The following UBE2V1 variants were observed in gnomAD, a reference collection of about 807,000 sequenced individuals.
UBE2V1 encodes the protein ubiquitin-conjugating enzyme E2 variant 1.
In UBE2V1, 15 loss-of-function variants were observed where a neutral mutation model predicts 19.6. The observed-to-expected ratio is 0.77, with a 90% CI of 0.51 to 1.18. The LOEUF (loss-of-function observed/expected upper bound fraction) is 1.18, where lower values mean the gene tolerates loss of function less well. UBE2V1 is among the 50% of genes most tolerant of loss of function. The pLI is 0.00. For missense variants in UBE2V1, 125 were observed against 184.8 expected (o/e 0.68, Z 1.88); for synonymous variants, 60 against 60.7 (o/e 0.99, Z 0.05).
At chr20:50,107,170 G>C (rs1440989051) in intron 1 of UBE2V1, among the ~76,000 whole-genome samples, 1 of 152,170 alleles carries the variant, frequency 6.6e-6, no homozygotes, top group Non-Finnish European at 1.5e-5. Flanking sequence ...TCCTTCTCTA[G>C]AGCAATGGTT....
intron 1 of UBE2V1, among the ~76,000 whole-genome samples, chr20:50,104,047 G>T (rs1249753199): frequency 1.3e-5 from 2 of 151,678 alleles, no homozygotes; most frequent in Non-Finnish European, 2.9e-5. Flanking sequence ...ACTTTGGAAG[G>T]CTGAGACAGG....
chr20:50,110,980 T>C (rs981466225), intron 1 of UBE2V1, among the ~76,000 whole-genome samples: 3 of 152,306 alleles, frequency 2.0e-5, no homozygotes, highest in Admixed American at 2.0e-4. Flanking sequence ...CATCACACAA[T>C]TTCCTCCATA....
intron 2 of UBE2V1, among the ~76,000 whole-genome samples, chr20:50,092,967 G>C (rs2079330125): frequency 6.6e-6 from 1 of 152,146 alleles, no homozygotes; most frequent in South Asian, 2.1e-4. Context: ...GTATGCATGA[G>C]CTCTTCCTCT....
chr20:50,097,659 CCTGA>C (rs2079719073), intron 1 of UBE2V1, among the ~76,000 whole-genome samples: 1 of 152,190 alleles, frequency 6.6e-6, no homozygotes, highest in Non-Finnish European at 1.5e-5. Flanking sequence ...CCCAACCAAT[CCTGA>C]CTGTCTCTCC....
chr20:50,113,918 C>T (rs2080929827), upstream of UBE2V1, among the ~76,000 whole-genome samples: 1 of 152,166 alleles, frequency 6.6e-6, no homozygotes, highest in Non-Finnish European at 1.5e-5. Context: ...CAGGGACTTA[C>T]ATTCTAGTCG....
intron 1 of UBE2V1, among the ~76,000 whole-genome samples, chr20:50,099,590 G>A (rs1201460387): frequency 2.0e-5 from 3 of 152,012 alleles, no homozygotes; most frequent in Non-Finnish European, 1.5e-5. Flanking sequence ...GCACCCCCAC[G>A]CAAGGACCTA....
At chr20:50,091,008 A>G (rs937751130) in intron 2 of UBE2V1, among the ~76,000 whole-genome samples, 1 of 152,144 alleles carries the variant, frequency 6.6e-6, no homozygotes, top group Non-Finnish European at 1.5e-5. Flanking sequence ...TTAAAGCGGG[A>G]CTAAGTTAAC....
intron 1 of UBE2V1, among the ~76,000 whole-genome samples, chr20:50,099,581 C>T (rs560170175): frequency 6.6e-6 from 1 of 152,258 alleles, no homozygotes; most frequent in African/African-American, 2.4e-5. Context: ...ATTTCAACTG[C>T]ACCCCCACGC....
chr20:50,106,851 A>C (rs1027962226), intron 1 of UBE2V1, among the ~76,000 whole-genome samples: 4 of 112,624 alleles, frequency 3.6e-5, no homozygotes, highest in Non-Finnish European at 7.4e-5. Context: ...CAAAAACAAC[A>C]ACAACAACAA....
At chr20:50,086,721 G>A (rs1313034269) in intron 2 of UBE2V1, among the ~76,000 whole-genome samples, 1 of 151,940 alleles carries the variant, frequency 6.6e-6, no homozygotes. Context: ...TAATTTCACT[G>A]GAAGACAGTA....
chr20:50,097,212 G>A (rs2079683126), intron 1 of UBE2V1, among the ~76,000 whole-genome samples: 1 of 152,106 alleles, frequency 6.6e-6, no homozygotes, highest in South Asian at 2.1e-4. Context: ...CTAAGACTAC[G>A]CTTATTTGTT....
intron 1 of UBE2V1, among the ~76,000 whole-genome samples, chr20:50,097,481 G>A (rs924919487): frequency 1.3e-5 from 2 of 152,132 alleles, no homozygotes; most frequent in Non-Finnish European, 2.9e-5. Context: ...CACCTCACAG[G>A]TTCAAGCCAC....
upstream of UBE2V1, chr20:50,115,546 C>A (rs1430478544): frequency 6.3e-7 from 1 of 1,590,802 alleles, no homozygotes; most frequent in South Asian, 1.1e-5. Context: ...TTTGTGACTT[C>A]AGGTAAGACG....
chr20:50,094,010 A>AAAAAAAAAAT (rs2079416552), intron 2 of UBE2V1, among the ~76,000 whole-genome samples: 2 of 94,714 alleles, frequency 2.1e-5, no homozygotes, highest in African/African-American at 5.3e-5. Context: ...AAAAAAAAAA[A>AAAAAAAAAAT]AATAATAATA....
upstream of UBE2V1, chr20:50,115,444 A>T (rs2080982478): frequency 6.7e-7 from 1 of 1,491,200 alleles, no homozygotes. Flanking sequence ...GTAAAGCATC[A>T]GTAGCAAGTG....
upstream of UBE2V1, among the ~76,000 whole-genome samples, chr20:50,113,723 G>C (rs968913381): frequency 4.6e-5 from 7 of 152,098 alleles, no homozygotes; most frequent in African/African-American, 1.7e-4. Flanking sequence ...AATGATTTAG[G>C]GGCATTAAGG....
intron 2 of UBE2V1, among the ~76,000 whole-genome samples, chr20:50,085,835 A>G (rs2078882472): frequency 2.0e-5 from 3 of 152,130 alleles, no homozygotes. Context: ...CTACCCAGTT[A>G]GCTAAAGCAA....
chr20:50,082,072 A>G lies in UBE2V1; in HGVS notation c.*696T>C, dbSNP rs2078666800. ...TTGAGGAGGAGGGAGAAAAAGCAGC[A>G]CCCCTCGATAAAGGTGGGGGAGAGA... is the stretch of plus-strand genomic sequence containing the variant. On this transcript the variant is annotated 3_prime_UTR_variant, in exon 4 of 4. Coordinates refer to ENST00000371674, the MANE Select transcript of UBE2V1 (RefSeq NM_001032288.3). 5.4e-6 allele frequency: 1 copy of G among 184,612 alleles called. No homozygotes were observed. The highest frequency in any genetic ancestry group is 1.1e-5 in the Non-Finnish European group (1 of 89,404). The allele number at this position is 184,612 out of a possible 1,614,324, so 11.4% of individuals were successfully genotyped here. A position where few individuals can be genotyped will look rare whatever the true frequency, so the allele number is the denominator to read the frequency against.
intron 1 of UBE2V1, among the ~76,000 whole-genome samples, chr20:50,111,985 A>T (rs1288292413): frequency 6.6e-6 from 1 of 152,200 alleles, no homozygotes; most frequent in Non-Finnish European, 1.5e-5. Flanking sequence ...CTGAGGGTGC[A>T]GCCTCACCCA....
Sources: allele counts gnomAD v4.1 joint callset (sites outside exome capture counted in the v4.1 genomes callset), GRCh38; gene constraint gnomAD v4.1.1; transcripts MANE v1.5; gene names NCBI Gene and HGNC (gene_info 2026-07-23, HGNC 2026-07-21).